RGS17: variants seen among roughly 807,000 people sequenced by gnomAD.
RGS17 encodes regulator of G protein signaling 17.
A neutral mutation model predicts 25.5 loss-of-function variants in RGS17; 12 were observed. The ratio of observed to expected loss-of-function variants is 0.47; its 90% CI spans 0.30 to 0.76. The LOEUF is 0.76. RGS17 is among the 30% of genes least tolerant of loss of function. RGS17 has a pLI of 0.07. For synonymous variants in RGS17, 71 were observed against 76.9 expected (o/e 0.92, Z 0.40); for missense variants, 196 against 242.2 (o/e 0.81, Z 1.27).
intron 1 of RGS17, among the ~76,000 whole-genome samples, chr6:153,073,776 C>G (rs961518149): frequency 1.3e-5 from 2 of 152,122 alleles, no homozygotes; most frequent in Non-Finnish European, 2.9e-5. Context: ...TCAGTGCTTG[C>G]TATGGGTCCA....
At chr6:153,066,784 G>A (rs768981321) in intron 1 of RGS17, among the ~76,000 whole-genome samples, 18 of 152,166 alleles carry the variant, frequency 1.2e-4, no homozygotes, top group Non-Finnish European at 2.5e-4. Context: ...GCTCACACCT[G>A]TAATCCCAGC....
At chr6:153,125,430 A>C (rs1263498725) in intron 1 of RGS17, among the ~76,000 whole-genome samples, 1 of 152,242 alleles carries the variant, frequency 6.6e-6, no homozygotes, top group Non-Finnish European at 1.5e-5. Context: ...TAGAGTAAAA[A>C]TTCAAATCCA....
chr6:153,119,380 G>T (rs9384082), intron 1 of RGS17, among the ~76,000 whole-genome samples: 5 of 151,896 alleles, frequency 3.3e-5, no homozygotes, highest in African/African-American at 1.2e-4. Flanking sequence ...TACCTAACCA[G>T]CTGGCTATGA....
At chr6:153,102,656 G>T (rs1277680812) in intron 1 of RGS17, among the ~76,000 whole-genome samples, 1 of 152,186 alleles carries the variant, frequency 6.6e-6, no homozygotes, top group African/African-American at 2.4e-5. Flanking sequence ...CTCTCTACAT[G>T]TGGAGGAATC....
intron 1 of RGS17, among the ~76,000 whole-genome samples, chr6:153,113,244 A>T (rs1268584016): frequency 1.3e-5 from 2 of 152,192 alleles, no homozygotes; most frequent in Non-Finnish European, 2.9e-5. Flanking sequence ...TACCAAGCAA[A>T]GGGAAAGAAA....
At chr6:153,026,196 T>G (rs1317485851) in intron 3 of RGS17, among the ~76,000 whole-genome samples, 1 of 152,182 alleles carries the variant, frequency 6.6e-6, no homozygotes, top group Non-Finnish European at 1.5e-5. Flanking sequence ...GGGTGCTAAT[T>G]CATAAGACAA....
chr6:153,111,411 G>T (rs1412410349), intron 1 of RGS17, among the ~76,000 whole-genome samples: 1 of 152,184 alleles, frequency 6.6e-6, no homozygotes, highest in Non-Finnish European at 1.5e-5. Context: ...TCTGGGCAGG[G>T]CATCTCTGAA....
At chr6:153,027,308 T>C (rs1779313422) in intron 2 of RGS17, among the ~76,000 whole-genome samples, 1 of 151,792 alleles carries the variant, frequency 6.6e-6, no homozygotes, top group Non-Finnish European at 1.5e-5. Context: ...CCAATGACAA[T>C]TGCTCCCTAA....
At chr6:153,028,112 A>G (rs767910682) in intron 2 of RGS17, among the ~76,000 whole-genome samples, 1 of 152,240 alleles carries the variant, frequency 6.6e-6, no homozygotes, top group Non-Finnish European at 1.5e-5. Context: ...GGAGAACCCA[A>G]TAGGAATTGA....
At position 153,130,748 on chromosome 6, in the gene RGS17, C is replaced by G. The variant is rs951578494; in HGVS notation, c.-26+376G>C. Among the ~76,000 whole-genome samples, 3 of 152,128 alleles carry G rather than the reference C, an allele frequency of 2.0e-5. No homozygotes were observed. ...GGGGTCTCCCGCGCCCCTGGCCCGG[C>G]CCTCCCGGCCGCCCCCAGCAGGCGC... On this transcript the variant is annotated intron_variant, in intron 1 of 4. Transcript: ENST00000206262. The surrounding 1 kb of genome is among the most constrained non-coding windows in gnomAD (Gnocchi z 6.4).
At chr6:153,102,360 T>C (rs994514958) in intron 1 of RGS17, among the ~76,000 whole-genome samples, 3 of 152,226 alleles carry the variant, frequency 2.0e-5, no homozygotes, top group African/African-American at 7.2e-5. Flanking sequence ...GACAGACTAG[T>C]TCTAGAGTTG....
chr6:153,053,650 G>T (rs1319914687), intron 1 of RGS17, among the ~76,000 whole-genome samples: 6 of 151,616 alleles, frequency 4.0e-5, no homozygotes, highest in African/African-American at 1.5e-4. Flanking sequence ...ACCAGGCATG[G>T]TGGCATACAT....
chr6:153,020,315 G>A (rs910984309), intron 4 of RGS17, among the ~76,000 whole-genome samples: 8 of 150,306 alleles, frequency 5.3e-5, no homozygotes, highest in Middle Eastern at 3.5e-3. Flanking sequence ...CACCACGCCC[G>A]GCTAATTTTT....
intron 2 of RGS17, among the ~76,000 whole-genome samples, chr6:153,032,924 A>G (rs1289453576): frequency 6.6e-6 from 1 of 152,254 alleles, no homozygotes; most frequent in Admixed American, 6.5e-5. Flanking sequence ...ATACATTCTT[A>G]GAACAAATAA....
At chr6:153,042,912 C>G (rs902955577) in intron 2 of RGS17, among the ~76,000 whole-genome samples, 1 of 152,152 alleles carries the variant, frequency 6.6e-6, no homozygotes, top group Non-Finnish European at 1.5e-5. Context: ...AACATATGGG[C>G]CTTTCTCTAG....
chr6:153,081,709 T>C (rs927243965), intron 1 of RGS17, among the ~76,000 whole-genome samples: 8 of 152,158 alleles, frequency 5.3e-5, no homozygotes, highest in Non-Finnish European at 1.2e-4. Context: ...TTTTACATGG[T>C]ATTTTTACAT....
chr6:153,048,722 T>C (rs1263881551), intron 1 of RGS17, among the ~76,000 whole-genome samples: 1 of 152,222 alleles, frequency 6.6e-6, no homozygotes, highest in African/African-American at 2.4e-5. Context: ...TACTGAAATG[T>C]TACATTCTCC....
chr6:153,037,352 A>G (rs77555137), intron 2 of RGS17, among the ~76,000 whole-genome samples: 54 of 152,336 alleles, frequency 3.5e-4, no homozygotes, highest in Non-Finnish European at 4.4e-4. Flanking sequence ...GGCAAATCCA[A>G]ATCCATCACC....
chr6:153,101,323 G>A (rs1777300509), intron 1 of RGS17, among the ~76,000 whole-genome samples: 1 of 152,146 alleles, frequency 6.6e-6, no homozygotes, highest in South Asian at 2.1e-4. Flanking sequence ...AGTATAAGAA[G>A]CACTGACTTT....
Sources: allele counts gnomAD v4.1 joint callset (sites outside exome capture counted in the v4.1 genomes callset), GRCh38; gene constraint gnomAD v4.1.1; non-coding constraint Gnocchi (gnomAD v3.1); transcripts MANE v1.5; gene names NCBI Gene and HGNC (gene_info 2026-07-23, HGNC 2026-07-21).